The following SLC9D1 variants were observed in gnomAD, a reference collection of about 807,000 sequenced individuals.
SLC9D1 encodes the protein solute carrier family 9 member D1.
chr13:113,520,661 A>C, the SLC9D1 span: 1 of 1,614,080 alleles, frequency 6.2e-7, no homozygotes, highest in Non-Finnish European at 8.5e-7. Flanking sequence ...CTGGTGACGC[A>C]GGACGTGCAG....
chr13:113,504,222 T>G, the SLC9D1 span: 3 of 152,262 alleles, frequency 2.0e-5, no homozygotes, highest in East Asian at 1.9e-4. Context: ...TCTGTATTTT[T>G]GGGGTTTTTT....
chr13:113,503,397 G>A, the SLC9D1 span: 1 of 665,792 alleles, frequency 1.5e-6, no homozygotes, highest in Non-Finnish European at 2.7e-6. Context: ...GTGTGTTTTG[G>A]ATACTTCCAC....
At chr13:113,548,333 A>G in the SLC9D1 span, 1 of 1,613,906 alleles carries the variant, frequency 6.2e-7, no homozygotes, top group Non-Finnish European at 8.5e-7. Flanking sequence ...CCTGTCTCTC[A>G]TTCTGCCGAG....
the SLC9D1 span, among the ~76,000 whole-genome samples, chr13:113,499,725 G>A: frequency 1.3e-5 from 2 of 152,164 alleles, no homozygotes; most frequent in African/African-American, 2.4e-5. Context: ...AGGAGAACTC[G>A]TATTTTAAGG....
chr13:113,540,985 G>A, the SLC9D1 span, among the ~76,000 whole-genome samples: 2 of 152,154 alleles, frequency 1.3e-5, no homozygotes, highest in African/African-American at 2.4e-5. Flanking sequence ...TTTCCCTGGT[G>A]CTTGTTATCG....
chr13:113,507,836 T>G, the SLC9D1 span, among the ~76,000 whole-genome samples: 1 of 152,258 alleles, frequency 6.6e-6, no homozygotes, highest in Non-Finnish European at 1.5e-5. Flanking sequence ...AGGTATAACG[T>G]ACGTGTGTGC....
At chr13:113,502,030 C>T in the SLC9D1 span, 1 of 649,218 alleles carries the variant, frequency 1.5e-6, no homozygotes, top group Non-Finnish European at 2.6e-6. Flanking sequence ...CACGGGAAGT[C>T]TCTGAACCCT....
the SLC9D1 span, chr13:113,529,874 A>G: frequency 6.6e-6 from 1 of 152,240 alleles, no homozygotes; most frequent in Non-Finnish European, 1.5e-5. Flanking sequence ...AATGGTTAAC[A>G]TGGTACATTT....
the SLC9D1 span, chr13:113,503,723 G>T: frequency 3.5e-6 from 2 of 577,534 alleles, no homozygotes; most frequent in African/African-American, 1.9e-5. Context: ...TCGGTTTGAT[G>T]TTATTTTTGG....
the SLC9D1 span, chr13:113,545,816 G>C: frequency 2.0e-5 from 3 of 152,792 alleles, no homozygotes; most frequent in Non-Finnish European, 4.4e-5. Flanking sequence ...GCGACTGGCC[G>C]GGGTGAGGGA....
the SLC9D1 span, among the ~76,000 whole-genome samples, chr13:113,519,600 G>A: frequency 6.6e-6 from 1 of 152,216 alleles, no homozygotes; most frequent in Non-Finnish European, 1.5e-5. Context: ...GCCGGTGTTT[G>A]TCTGCCGGGC....
the SLC9D1 span, among the ~76,000 whole-genome samples, chr13:113,502,491 G>A: frequency 6.6e-6 from 1 of 152,164 alleles, no homozygotes; most frequent in South Asian, 2.1e-4. Flanking sequence ...GAGATTACAG[G>A]CATGAGCCAC....
At chr13:113,503,721 A>T in the SLC9D1 span, 5 of 587,708 alleles carry the variant, frequency 8.5e-6, no homozygotes, top group African/African-American at 1.9e-5. Flanking sequence ...TTTCGGTTTG[A>T]TGTTATTTTT....
the SLC9D1 span, among the ~76,000 whole-genome samples, chr13:113,549,203 G>A: frequency 6.6e-6 from 1 of 152,104 alleles, no homozygotes; most frequent in Admixed American, 6.5e-5. Context: ...AATTTATGAT[G>A]TGCAGGCGTC....
At chr13:113,547,301 G>T in the SLC9D1 span, 1 of 1,613,794 alleles carries the variant, frequency 6.2e-7, no homozygotes, top group Non-Finnish European at 8.5e-7. Context: ...TCCCAACAGG[G>T]CTCCACGTGT....
the SLC9D1 span, among the ~76,000 whole-genome samples, chr13:113,500,621 A>G: frequency 6.6e-6 from 1 of 152,198 alleles, no homozygotes; most frequent in Non-Finnish European, 1.5e-5. Context: ...GACAAAGGCT[A>G]TGCAGGGAGG....
chr13:113,495,514 G>A, the SLC9D1 span: 1 of 1,115,790 alleles, frequency 9.0e-7, no homozygotes, highest in Non-Finnish European at 1.3e-6. Flanking sequence ...GAAAATGTGT[G>A]TCTGACATGC....
chr13:113,495,435 TATTTAATACTCTG>T, the SLC9D1 span: 19 of 563,316 alleles, frequency 3.4e-5, 1 homozygote, highest in South Asian at 6.0e-4. Context: ...CAGATCTGAT[TATTTAATACTCTG>T]ATCAATAGTA....
chr13:113,540,410 A>G, the SLC9D1 span, among the ~76,000 whole-genome samples: 1 of 152,050 alleles, frequency 6.6e-6, no homozygotes, highest in Non-Finnish European at 1.5e-5. Context: ...TTGCCTTTTG[A>G]CTTTTTAGAA....
Sources: gnomAD v4.1 joint callset for allele counts (sites outside exome capture counted in the v4.1 genomes callset) on GRCh38, gnomAD v4.1.1 for gene constraint, MANE v1.5 for transcripts, NCBI Gene and HGNC (gene_info 2026-07-23, HGNC 2026-07-21) for gene names.